Variants in FER observed in about 807,000 individuals in gnomAD.
The protein encoded by FER is FER tyrosine kinase.
Under a neutral mutation model 111.0 loss-of-function variants are expected in FER, and 63 were observed. The observed-to-expected ratio is 0.57, with a 90% CI of 0.46 to 0.70. FER has a LOEUF of 0.70. Among genes scored for constraint, FER ranks in the 30% least tolerant of loss-of-function variants. The pLI is 0.00. For missense variants in FER, 914 were observed against 954.0 expected, an observed-to-expected ratio of 0.96 and a Z score of 0.55; for synonymous variants, 327 against 313.9, an observed-to-expected ratio of 1.04 and a Z score of -0.44.
Position 108,883,393 on chromosome 5 carries a change from T to C in FER, c.924-3T>C. The C allele has an allele frequency of 6.2e-7, 1 of 1,600,080 alleles. No homozygotes were observed. The highest frequency in any genetic ancestry group is 1.1e-5 in the South Asian group (1 of 88,494). On this transcript the variant is annotated splice_polypyrimidine_tract_variant and splice_region_variant and intron_variant, in intron 8 of 19. Transcript: ENST00000281092. ...TTGTTATTGAGGATACTGTTTATTCTAGGTTGAAAACGTTAGCGGAAGAAC... is the reference window on the plus strand; with the variant it reads ...TTGTTATTGAGGATACTGTTTATTCCAGGTTGAAAACGTTAGCGGAAGAAC...
rs146971356 is a variant in FER at position 108,759,973 on chromosome 5, C to T, written c.-205-8120C>T. ...TCATCCATAATACAGGTATATTTCA[C>T]TGGATAGATATGACAAGGATTTTTT... is the stretch of plus-strand genomic sequence containing the variant. On this transcript the variant is annotated intron_variant, in intron 1 of 19. Coordinates refer to ENST00000281092, the MANE Select transcript of FER (RefSeq NM_005246.4). Among the ~76,000 whole-genome samples, 623 of 152,308 alleles carry T rather than the reference C, an allele frequency of 4.1e-3. 4 individuals carry two copies. Among genetic ancestry groups the T allele is most frequent in the African/African-American group, 0.015 (603 of 41,554 alleles).
At chr5:108,963,104 T>C (rs1439770716) in intron 13 of FER, among the ~76,000 whole-genome samples, 1 of 151,850 alleles carries the variant, frequency 6.6e-6, no homozygotes, top group African/African-American at 2.4e-5. Context: ...TGAGCTAAAA[T>C]ATAGGGATTG....
chr5:109,103,772 T>A (rs1269136028), intron 17 of FER, among the ~76,000 whole-genome samples: 1 of 152,212 alleles, frequency 6.6e-6, no homozygotes, highest in Non-Finnish European at 1.5e-5. Context: ...TTGTTAGATG[T>A]CATCTGTAAA....
At chr5:108,788,447 A>T (rs1349624318) in intron 2 of FER, among the ~76,000 whole-genome samples, 2 of 151,680 alleles carry the variant, frequency 1.3e-5, no homozygotes, top group East Asian at 3.9e-4. Context: ...TTCAGCGGGC[A>T]CAAGTGAAAC....
Position 108,756,424 on chromosome 5 carries a change from C to G in FER, c.-206+8424C>G, listed in dbSNP as rs562526329. 1.7e-4 allele frequency among the ~76,000 whole-genome samples: 26 copies of G among 151,812 alleles called. No individual in the cohort carries two copies. The South Asian group carries it at 2.5e-3, about 15-fold the overall frequency. On this transcript the variant is annotated intron_variant, in intron 1 of 19. Coordinates refer to ENST00000281092, the MANE Select transcript of FER (RefSeq NM_005246.4). ...GTAATATGGAAAATCCAGTCACTAT[C>G]GCATTTCCTGACCATTCTGAATCTA... is the stretch of plus-strand genomic sequence containing the variant.
At chr5:109,030,337 G>C (rs551652461) in intron 13 of FER, among the ~76,000 whole-genome samples, 22 of 152,230 alleles carry the variant, frequency 1.4e-4, no homozygotes, top group African/African-American at 3.9e-4. Flanking sequence ...TTCTCATTCA[G>C]ATTGTGATTT....
chr5:108,891,674 T>G (rs1748084745), intron 9 of FER: 1 of 152,028 alleles, frequency 6.6e-6, no homozygotes, highest in African/African-American at 2.4e-5. Context: ...TTTCTTTTTT[T>G]TTTATTATAC....
intron 18 of FER, among the ~76,000 whole-genome samples, chr5:109,184,626 C>T (rs1758657598): frequency 6.6e-6 from 1 of 152,124 alleles, no homozygotes; most frequent in Non-Finnish European, 1.5e-5. Flanking sequence ...AACTTGTAGC[C>T]ATAGAATGAT....
intron 17 of FER, among the ~76,000 whole-genome samples, chr5:109,178,377 G>T (rs1396709474): frequency 6.6e-6 from 1 of 152,124 alleles, no homozygotes; most frequent in African/African-American, 2.4e-5. Context: ...TCATTTCAGA[G>T]GACAAATCTC....
chr5:108,895,808 T>C (rs1484241947), intron 9 of FER, among the ~76,000 whole-genome samples: 1 of 152,220 alleles, frequency 6.6e-6, no homozygotes, highest in African/African-American at 2.4e-5. Context: ...GTAAAATGTA[T>C]ATTATTTACT....
chr5:109,102,402 T>C (rs1200168163), intron 17 of FER, among the ~76,000 whole-genome samples: 2 of 152,106 alleles, frequency 1.3e-5, no homozygotes, highest in Non-Finnish European at 2.9e-5. Flanking sequence ...CGCCAACTTT[T>C]AGTGAATGGT....
chr5:108,941,950 G>T (rs758612360), intron 10 of FER, among the ~76,000 whole-genome samples: 6 of 152,094 alleles, frequency 3.9e-5, no homozygotes, highest in Non-Finnish European at 8.8e-5. Flanking sequence ...GTCAATGAAG[G>T]TTCTCAACTG....
chr5:109,008,031 A>G (rs1765721315), intron 13 of FER, among the ~76,000 whole-genome samples: 1 of 152,176 alleles, frequency 6.6e-6, no homozygotes, highest in Admixed American at 6.5e-5. Flanking sequence ...ATGACTAAAG[A>G]TGTTGAGCAT....
chr5:109,027,847 G>T (rs985582514), intron 13 of FER, among the ~76,000 whole-genome samples: 1 of 151,992 alleles, frequency 6.6e-6, no homozygotes, highest in African/African-American at 2.4e-5. Context: ...TAAGATTTAG[G>T]TTTTAGCATT....
At chr5:108,830,685 GAGA>G (rs879928820) in intron 3 of FER, 6 of 152,228 alleles carry the variant, frequency 3.9e-5, no homozygotes, top group Non-Finnish European at 7.3e-5. Context: ...TGGAGATGGA[GAGA>G]AGAAGATGGA....
At chr5:108,968,989 A>AAAT (rs1561694323) in intron 13 of FER, among the ~76,000 whole-genome samples, 71 of 152,286 alleles carry the variant, frequency 4.7e-4, no homozygotes, top group African/African-American at 1.7e-3. Flanking sequence ...TTATTCACCT[A>AAAT]TTAGATTAGC....
At chr5:108,825,506 G>C (rs371250599) in intron 3 of FER, among the ~76,000 whole-genome samples, 8 of 152,146 alleles carry the variant, frequency 5.3e-5, no homozygotes, top group Admixed American at 3.9e-4. Context: ...CTGTTATCCT[G>C]TTCTTTTTTC....
At chr5:109,118,043 A>G (rs1346136747) in intron 17 of FER, among the ~76,000 whole-genome samples, 1 of 151,934 alleles carries the variant, frequency 6.6e-6, no homozygotes, top group South Asian at 2.1e-4. Context: ...TTCCAACACT[A>G]TGTTGAATAG....
rs989438090 is a variant in FER at position 109,076,050 on chromosome 5, A to G, written c.1925-24346A>G. Among the ~76,000 whole-genome samples the G allele has an allele frequency of 7.2e-5, 11 of 152,226 alleles. 1 individual carries two copies. In the South Asian group the frequency reaches 1.7e-3, roughly 23 times the overall value. ...CTTTTAACATTATCTCTTAGTTTTT[A>G]TCAGTCTATATTTTTCCGATTGGAG... On this transcript the variant is annotated intron_variant, in intron 16 of 19. Transcript: ENST00000281092.
Sources: allele counts gnomAD v4.1 joint callset (sites outside exome capture counted in the v4.1 genomes callset), GRCh38; gene constraint gnomAD v4.1.1; transcripts MANE v1.5; gene names NCBI Gene and HGNC (gene_info 2026-07-23, HGNC 2026-07-21).